PHF24: variants seen among roughly 807,000 people sequenced by gnomAD.
PHF24 encodes the protein Galpha inhibitory interacting protein.
A neutral mutation model predicts 42.6 loss-of-function variants in PHF24; 25 were observed. The ratio of observed to expected loss-of-function variants is 0.59; its 90% confidence interval spans 0.43 to 0.82. The LOEUF is 0.82. Among genes scored for constraint, PHF24 ranks in the 40% least tolerant of loss-of-function variants. The probability of loss-of-function intolerance (pLI) is 0.00; values close to 1 mark genes in which losing one functional copy is unlikely to be tolerated. For missense variants in PHF24, 470 were observed against 538.1 expected, an observed-to-expected ratio of 0.87 and a Z score of 1.25; for synonymous variants, 185 against 204.8, an observed-to-expected ratio of 0.90 and a Z score of 0.83.
the PHF24 span, among the ~76,000 whole-genome samples, chr9:34,746,892 A>G: frequency 6.6e-6 from 1 of 152,198 alleles, no homozygotes; most frequent in Non-Finnish European, 1.5e-5. Context: ...AGCTTCTAGA[A>G]TATAACATAG....
chr9:34,789,831 G>A, the PHF24 span, among the ~76,000 whole-genome samples: 1 of 152,248 alleles, frequency 6.6e-6, no homozygotes, highest in East Asian at 1.9e-4. Context: ...TGAAAGACAA[G>A]GATTTTGCTG....
At chr9:34,822,288 A>G in the PHF24 span, among the ~76,000 whole-genome samples, 1 of 152,178 alleles carries the variant, frequency 6.6e-6, no homozygotes, top group African/African-American at 2.4e-5. Flanking sequence ...CTTCTGCCTG[A>G]AGGACTTTCT....
chr9:34,818,458 A>G, the PHF24 span, among the ~76,000 whole-genome samples: 780 of 152,252 alleles, frequency 5.1e-3, 4 homozygotes, highest in Non-Finnish European at 8.2e-3. Flanking sequence ...TCTTTAACCT[A>G]TTGATGTTGC....
chr9:34,918,143 A>G, the PHF24 span: 1 of 1,534,302 alleles, frequency 6.5e-7, no homozygotes, highest in South Asian at 1.1e-5. Context: ...GCGCCAGCAT[A>G]TGCATTCCCT....
the PHF24 span, among the ~76,000 whole-genome samples, chr9:34,859,343 G>T: frequency 6.6e-6 from 1 of 152,152 alleles, no homozygotes; most frequent in Non-Finnish European, 1.5e-5. Context: ...GGGTTGCTCT[G>T]TTCCTTTCAG....
At chr9:34,962,795 T>C (rs1394492485) in intron 1 of PHF24, among the ~76,000 whole-genome samples, 1 of 152,220 alleles carries the variant, frequency 6.6e-6, no homozygotes, top group East Asian at 1.9e-4. Context: ...GTCAGCACTG[T>C]GGCTTTTAAT....
chr9:34,934,754 G>A, the PHF24 span, among the ~76,000 whole-genome samples: 3,827 of 152,244 alleles, frequency 0.025, 151 homozygotes, highest in African/African-American at 0.085. Flanking sequence ...TAGCTATGGT[G>A]AAATACCAGG....
At chr9:34,685,008 T>C in the PHF24 span, among the ~76,000 whole-genome samples, 3 of 152,134 alleles carry the variant, frequency 2.0e-5, no homozygotes, top group Non-Finnish European at 4.4e-5. Flanking sequence ...CCTCCAACCC[T>C]GCCCTGCCTG....
chr9:34,828,215 T>C, the PHF24 span, among the ~76,000 whole-genome samples: 1 of 152,214 alleles, frequency 6.6e-6, no homozygotes, highest in Admixed American at 6.5e-5. Flanking sequence ...AACCTTTTTC[T>C]TCCCTTATCC....
the PHF24 span, among the ~76,000 whole-genome samples, chr9:34,814,591 CA>C: frequency 0.024 from 3,538 of 149,268 alleles, 82 homozygotes; most frequent in East Asian, 0.1. Flanking sequence ...GGAACTGATG[CA>C]AAAAAAAACA....
At chr9:34,798,083 T>A in the PHF24 span, among the ~76,000 whole-genome samples, 1 of 152,144 alleles carries the variant, frequency 6.6e-6, no homozygotes, top group Non-Finnish European at 1.5e-5. Flanking sequence ...ATGGGGGAGA[T>A]CTTTGAGGTG....
At chr9:34,835,887 G>C in the PHF24 span, 1 of 981,486 alleles carries the variant, frequency 1.0e-6, no homozygotes, top group African/African-American at 1.6e-5. Flanking sequence ...AGATCTCTAG[G>C]CAAGAGGAGA....
the PHF24 span, chr9:34,837,730 C>G: frequency 7.1e-7 from 1 of 1,403,030 alleles, no homozygotes; most frequent in African/African-American, 1.4e-5. Context: ...GAATGTGAAG[C>G]TGGGACACCA....
the PHF24 span, among the ~76,000 whole-genome samples, chr9:34,893,710 G>T: frequency 1.3e-5 from 2 of 152,214 alleles, no homozygotes; most frequent in Admixed American, 1.3e-4. Flanking sequence ...CCATGGGAGG[G>T]CGTGGCCCTC....
the PHF24 span, among the ~76,000 whole-genome samples, chr9:34,685,900 A>G: frequency 6.6e-6 from 1 of 152,336 alleles, no homozygotes; most frequent in Middle Eastern, 3.4e-3. Flanking sequence ...TATGTGTAAT[A>G]GTTCAGAGTA....
At chr9:34,977,209 A>G (rs1378235898) in exon 6 of PHF24, 1 of 1,612,648 alleles carries the variant, frequency 6.2e-7, no homozygotes, top group African/African-American at 1.3e-5. Flanking sequence ...TTGGTTTTGC[A>G]AACGGTTCCC....
chr9:34,846,938 T>G, the PHF24 span, among the ~76,000 whole-genome samples: 1 of 152,218 alleles, frequency 6.6e-6, no homozygotes, highest in Non-Finnish European at 1.5e-5. Flanking sequence ...CTGAGGGCTC[T>G]GTTCTGTTCC....
the PHF24 span, among the ~76,000 whole-genome samples, chr9:34,681,936 G>T: frequency 6.6e-6 from 1 of 152,312 alleles, no homozygotes; most frequent in African/African-American, 2.4e-5. Context: ...GTGGCTGGCT[G>T]GTTGCAAGCC....
chr9:34,676,631 A>G, the PHF24 span, among the ~76,000 whole-genome samples: 5 of 152,334 alleles, frequency 3.3e-5, no homozygotes, highest in South Asian at 1.0e-3. Flanking sequence ...CTGTTTTTGC[A>G]TTGTTATAAA....
Sources: allele counts gnomAD v4.1 joint callset (sites outside exome capture counted in the v4.1 genomes callset), GRCh38; gene constraint gnomAD v4.1.1; transcripts MANE v1.5; gene names NCBI Gene and HGNC (gene_info 2026-07-23, HGNC 2026-07-21).